The following ZFYVE26 variants were observed in gnomAD, a reference collection of about 807,000 sequenced individuals.
ZFYVE26 encodes zinc finger FYVE domain-containing protein 26.
In ZFYVE26, 181 loss-of-function variants were observed where a neutral mutation model predicts 276.5. The ratio of observed to expected loss-of-function variants is 0.65; its 90% CI spans 0.58 to 0.74. The LOEUF (loss-of-function observed/expected upper bound fraction) is 0.74, where lower values mean the gene tolerates loss of function less well. Ranked by LOEUF, ZFYVE26 falls within the 30% of genes least tolerant of loss-of-function variation. ZFYVE26 has a pLI of 0.00. For missense variants in ZFYVE26, 2,821 were observed against 3,097.9 expected, an observed-to-expected ratio of 0.91 and a Z score of 2.12; for synonymous variants, 1,129 against 1,203.1, an observed-to-expected ratio of 0.94 and a Z score of 1.27.
In ZFYVE26 at chr14:67,755,959, G is replaced by A. The variant is rs1262211844; in HGVS notation, c.6775C>T (p.Gln2259Ter). ...GGGGCTGCCATTACCTTCATAAACT[G>A]CTGCAGCTCATACAGAATGTGGTAG... ...NYYHILYELQ[Q>*]FMKDQVRAAM... Residue 2259 changes from glutamine (Q) to a stop codon, truncating the protein, a stop_gained, in exon 36 of 42, where the codon CAG (glutamine) becomes TAG (stop). Transcript: ENST00000347230. LOFTEE classifies it high-confidence loss of function. The A allele has an allele frequency of 6.2e-7, 1 of 1,614,236 alleles. No individual in the cohort carries two copies. The highest frequency in any genetic ancestry group is 1.1e-5 in the South Asian group (1 of 91,082).
chr14:67,784,343 G>A lies in ZFYVE26; in HGVS notation c.3617C>T (p.Pro1206Leu), dbSNP rs761286615. 9.3e-6 allele frequency: 15 copies of A among 1,614,048 alleles called. No individual in the cohort carries two copies. The highest frequency in any genetic ancestry group is 1.3e-5 in the Non-Finnish European group (15 of 1,179,968). The change falls in exon 20 of 42, where the codon CCC becomes CTC. Residue 1206 changes from proline (P) to leucine (L), a missense_variant. Physicochemically the swap from Pro to Leu is moderately conservative, Grantham distance 98. Transcript: ENST00000347230. ...TGGAGGTGGCTCCTACCTCTCTGGGGGAACTTGTCTCTCAAACAGGAGATG... is the reference window on the plus strand; with the variant it reads ...TGGAGGTGGCTCCTACCTCTCTGGGAGAACTTGTCTCTCAAACAGGAGATG... ...VSHLLFERQV[P>L]PERLAALLAQ...
intron 21 of ZFYVE26, among the ~76,000 whole-genome samples, 159 bp from the exon 22 acceptor site, chr14:67,781,688 A>C (rs2039504912): frequency 6.6e-6 from 1 of 152,206 alleles, no homozygotes; most frequent in South Asian, 2.1e-4. Context: ...TTACACTTGG[A>C]ACCATTATAT....
chr14:67,781,511 T>C lies in ZFYVE26; in HGVS notation c.4391A>G (p.Tyr1464Cys), dbSNP rs764555738. The C allele has an allele frequency of 1.9e-6, 3 of 1,613,988 alleles. No homozygotes were observed. Among genetic ancestry groups the C allele is most frequent in the Non-Finnish European group, 2.5e-6 (3 of 1,180,034 alleles). ...AGATGCATCCTTCACGGGAAACAGG[T>C]ATTGCCAACCTTCTTTGTCTATAAG... The part of the protein sequence containing the change: ...AVACDKEGWQ[Y>C]LFPVKDASLR... Residue 1464 changes from tyrosine (Y) to cysteine (C), a missense_variant, in exon 22 of 42, where the codon TAC (tyrosine) becomes TGC (cysteine). Tyr to Cys is a radical substitution (Grantham distance 194). Coordinates refer to ENST00000347230, the MANE Select transcript of ZFYVE26 (RefSeq NM_015346.4).
chr14:67,734,869 T>C (rs2140164635), intron 13 of ZFYVE26, among the ~76,000 whole-genome samples: 1 of 152,304 alleles, frequency 6.6e-6, no homozygotes, highest in Admixed American at 6.5e-5. Flanking sequence ...GAATGCATCA[T>C]TTCCTGCCGC....
chr14:67,732,599 G>A (rs1186518149), intron 13 of ZFYVE26, among the ~76,000 whole-genome samples: 3 of 149,950 alleles, frequency 2.0e-5, no homozygotes, highest in Admixed American at 6.6e-5. Flanking sequence ...TTTTTGAGAC[G>A]GAGTTTCGGT....
At chr14:67,812,963 C>G (rs983300128) in intron 3 of ZFYVE26, among the ~76,000 whole-genome samples, 9 of 152,148 alleles carry the variant, frequency 5.9e-5, no homozygotes, top group East Asian at 3.9e-4. Context: ...TCTTTCTTCT[C>G]GCTCCTACTA....
chr14:67,775,156 A>ATTT, intron 26 of ZFYVE26, 42 bp from the exon 27 acceptor site: 1 of 1,408,492 alleles, frequency 7.1e-7, no homozygotes, highest in Non-Finnish European at 9.9e-7. Context: ...GTTCTACCAT[A>ATTT]AGTATCTTGA....
In ZFYVE26 at chr14:67,766,286, G is replaced by A; in HGVS notation, c.5952C>T (p.Phe1984=). 1 of 1,613,942 alleles carries A rather than the reference G, an allele frequency of 6.2e-7. No homozygotes were observed. The highest frequency in any genetic ancestry group is 8.5e-7 in the Non-Finnish European group (1 of 1,180,038). ...CTTTGACGAACATCATCTTGGCGCT[G>A]AACAGCAGCTGCTTCATGATGTCCG... ...LLTDIMKQLL[F]SAKMMFVKAG... Residue 1984 remains phenylalanine (F), a synonymous_variant, in exon 32 of 42, where the codon TTC becomes TTT. Transcript: ENST00000347230.
chr14:67,758,942 A>T (rs1229457947), intron 35 of ZFYVE26, among the ~76,000 whole-genome samples: 1 of 152,062 alleles, frequency 6.6e-6, no homozygotes, highest in Non-Finnish European at 1.5e-5. Flanking sequence ...ACAAATATGA[A>T]TTTTTTAAGA....
At chr14:67,762,483 T>C (rs2038959569) in intron 33 of ZFYVE26, 71 bp from the exon 34 acceptor site, 1 of 1,553,668 alleles carries the variant, frequency 6.4e-7, no homozygotes, top group East Asian at 2.3e-5. Flanking sequence ...AGACCTATTC[T>C]ATTCCCAAGT....
intron 13 of ZFYVE26, chr14:67,735,113 A>C: frequency 1.3e-6 from 1 of 788,006 alleles, no homozygotes; most frequent in Non-Finnish European, 2.3e-6. Context: ...ATGCAAAAGA[A>C]AACAATGATA....
intron 35 of ZFYVE26, among the ~76,000 whole-genome samples, chr14:67,759,580 C>T (rs1319521377): frequency 1.4e-5 from 2 of 141,684 alleles, no homozygotes; most frequent in Admixed American, 7.4e-5. Context: ...GCTGAGATCT[C>T]ACCACCGCGC....
At chr14:67,759,828 A>T (rs2038887477) in intron 35 of ZFYVE26, among the ~76,000 whole-genome samples, 1 of 152,130 alleles carries the variant, frequency 6.6e-6, no homozygotes, top group Non-Finnish European at 1.5e-5. Context: ...AGGGAGGGGA[A>T]TAACATGAAT....
Position 67,802,870 on chromosome 14 carries a change from A to G in ZFYVE26, c.1436-588T>C, listed in dbSNP as rs147090241. ...AGTAAAGCAACATCCAGGCTGGGAA[A>G]CCTCAAATGCCATGTAAGAAAGTTT... On this transcript the variant is annotated intron_variant, in intron 9 of 41. Transcript: ENST00000347230. Among the ~76,000 whole-genome samples, 73 of 152,260 alleles carry G rather than the reference A, an allele frequency of 4.8e-4. 1 individual carries two copies. The East Asian group carries it at 8.9e-3, about 19-fold the overall frequency.
At position 67,746,995 on chromosome 14, in the gene ZFYVE26, T is replaced by A. The variant is rs765555157; in HGVS notation, c.*1441A>T. The A allele has an allele frequency of 6.6e-6, 1 of 152,650 alleles. No homozygotes were observed. Among genetic ancestry groups the A allele is most frequent in the Non-Finnish European group, 1.5e-5 (1 of 68,032 alleles). The allele number at this position is 152,650 out of a possible 1,614,324, so 9.5% of individuals were successfully genotyped here. A position where few individuals can be genotyped will look rare whatever the true frequency, so the allele number is the denominator to read the frequency against. On this transcript the variant is annotated 3_prime_UTR_variant, in exon 42 of 42. Coordinates refer to ENST00000347230, the MANE Select transcript of ZFYVE26 (RefSeq NM_015346.4). ...GAGTTGTTTATTTTACTACTAAAAA[T>A]CTTGGTTCAGAGGGAAATCCACAGG...
rs746728866 is a variant in ZFYVE26, at chr14:67,809,167, C to T, written c.363+33G>A. The T allele has an allele frequency of 7.6e-6, 12 of 1,585,048 alleles. No homozygotes were observed. The East Asian group carries it at 2.7e-4, about 35-fold the overall frequency. ...GCTAAGCTGCTTAAGTGACTGTCAA[C>T]CCTGGGCAGATGGTACCAGGGCTCT... On this transcript the variant is annotated intron_variant, in intron 4 of 41. Coordinates refer to ENST00000347230, the MANE Select transcript of ZFYVE26 (RefSeq NM_015346.4).
chr14:67,805,254 G>A lies in ZFYVE26; in HGVS notation c.1234C>T (p.His412Tyr), dbSNP rs1199822484. Residue 412 changes from histidine to tyrosine, a missense_variant, in exon 8 of 42, where the codon CAC becomes TAC. His to Tyr is a moderately conservative substitution (Grantham distance 83). Transcript: ENST00000347230. The stretch of plus-strand genomic sequence containing the variant: ...ATGCACCACTCCAGGACCTCCAGGT[G>A]AGCCCACAACCCATCACAGGCATCC... ...LRDACDGLWA[H>Y]LEVLEWCIQQ... 1 of 1,614,086 alleles carries A rather than the reference G, an allele frequency of 6.2e-7. No individual in the cohort carries two copies. Among genetic ancestry groups the A allele is most frequent in the Admixed American group, 1.7e-5 (1 of 60,014 alleles).
Position 67,762,345 on chromosome 14 carries a change from G to A in ZFYVE26, c.6227C>T (p.Ala2076Val). 6.2e-7 allele frequency: 1 copy of A among 1,614,222 alleles called. No individual in the cohort carries two copies. Among genetic ancestry groups the A allele is most frequent in the South Asian group, 1.1e-5 (1 of 91,090 alleles). The stretch of plus-strand genomic sequence containing the variant: ...CTCCCGTGCAGCAGTGAGGTTCCCG[G>A]CTTTGAGGCAGGCCATGCCCCAAGC... The part of the protein sequence containing the change: ...WHAWGMACLK[A>V]GNLTAAREKF... Residue 2076 changes from alanine (A) to valine (V), a missense_variant, in exon 34 of 42, where the codon GCC (alanine) becomes GTC (valine). Ala to Val is a moderately conservative substitution (Grantham distance 64). Coordinates refer to ENST00000347230, the MANE Select transcript of ZFYVE26 (RefSeq NM_015346.4).
intron 36 of ZFYVE26, 115 bp downstream of exon 36, chr14:67,755,833 G>A: frequency 1.5e-6 from 2 of 1,299,820 alleles, no homozygotes; most frequent in East Asian, 2.3e-5. Flanking sequence ...TCTAGGGTCA[G>A]CCAAACAGCA....
Sources: gnomAD v4.1 joint callset for allele counts (sites outside exome capture counted in the v4.1 genomes callset) on GRCh38, gnomAD v4.1.1 for gene constraint, MANE v1.5 for transcripts, NCBI Gene and HGNC (gene_info 2026-07-23, HGNC 2026-07-21) for gene names.